Variants in TENT5C observed in about 807,000 individuals in gnomAD.
TENT5C encodes the protein family with sequence similarity 46 member C.
TENT5C carries 5 observed loss-of-function variants against 22.2 expected under a neutral mutation model. The ratio of observed to expected loss-of-function variants is 0.22; its 90% CI spans 0.12 to 0.47. The LOEUF (loss-of-function observed/expected upper bound fraction) is 0.47. Among genes scored for constraint, TENT5C ranks in the 20% least tolerant of loss-of-function variants. The probability of loss-of-function intolerance (pLI) is 0.99; values close to 1 mark genes in which losing one functional copy is unlikely to be tolerated. For missense variants in TENT5C, 364 were observed against 500.9 expected, an observed-to-expected ratio of 0.73 and a Z score of 2.61; for synonymous variants, 199 against 195.4, an observed-to-expected ratio of 1.02 and a Z score of -0.15.
chr1:117,608,424 C>T (rs1006913768), intron 1 of TENT5C, among the ~76,000 whole-genome samples: 5 of 152,166 alleles, frequency 3.3e-5, no homozygotes, highest in African/African-American at 1.2e-4. Context: ...TGCACACATT[C>T]AGCCCACATT....
chr1:117,609,662 A>AT (rs1268578935), intron 1 of TENT5C, among the ~76,000 whole-genome samples: 3 of 152,198 alleles, frequency 2.0e-5, no homozygotes, highest in African/African-American at 7.2e-5. Flanking sequence ...TGGCTTTATC[A>AT]TGCAGTCGAG....
chr1:117,619,432 T>C (rs1570861909), intron 1 of TENT5C, among the ~76,000 whole-genome samples: 1 of 152,356 alleles, frequency 6.6e-6, no homozygotes, highest in East Asian at 1.9e-4. Flanking sequence ...TTCTGGTATT[T>C]CTGATTTGTT....
chr1:117,624,200 A>G lies in TENT5C; in HGVS notation c.*156A>G. 1 of 670,666 alleles carries G rather than the reference A, an allele frequency of 1.5e-6. No individual in the cohort carries two copies. Among genetic ancestry groups the G allele is most frequent in the East Asian group, 2.7e-5 (1 of 36,402 alleles). 41.5% of individuals were successfully genotyped at this position (670,666 alleles called of 1,614,324 possible). Reference sequence around the variant, plus strand: ...TTTTTTCCTTTGTGTACCCATTGGAATGGGTCTACAGTGTATCATGAGCCA... The same window carrying G: ...TTTTTTCCTTTGTGTACCCATTGGAGTGGGTCTACAGTGTATCATGAGCCA... On this transcript the variant is annotated 3_prime_UTR_variant, in exon 2 of 2. Coordinates refer to ENST00000369448, the MANE Select transcript of TENT5C (RefSeq NM_017709.4).
chr1:117,627,651 T>G lies in TENT5C; in HGVS notation c.*3607T>G, dbSNP rs1654039935. ...TAAGAATCCAGTTTCCAAGGTTAGA[T>G]TCACATCCTTAATCTTGCAGAGACT... On this transcript the variant is annotated 3_prime_UTR_variant, in exon 2 of 2. Transcript: ENST00000369448. 4.0e-6 allele frequency: 1 copy of G among 248,146 alleles called. No individual in the cohort carries two copies. Among genetic ancestry groups the G allele is most frequent in the East Asian group, 6.0e-5 (1 of 16,592 alleles). 15.4% of individuals were successfully genotyped at this position (248,146 alleles called of 1,614,324 possible). A position where few individuals can be genotyped will look rare whatever the true frequency, so the allele number is the denominator to read the frequency against.
At chr1:117,619,247 G>A (rs1653846856) in intron 1 of TENT5C, among the ~76,000 whole-genome samples, 1 of 152,176 alleles carries the variant, frequency 6.6e-6, no homozygotes, top group South Asian at 2.1e-4. Flanking sequence ...GAGCCCACAA[G>A]CAGTATACTA....
chr1:117,611,180 C>G (rs1653663885), intron 1 of TENT5C, among the ~76,000 whole-genome samples: 1 of 152,208 alleles, frequency 6.6e-6, no homozygotes, highest in Non-Finnish European at 1.5e-5. Context: ...TGGGCAGTTT[C>G]AATCGTCATT....
intron 1 of TENT5C, among the ~76,000 whole-genome samples, chr1:117,612,007 G>A (rs569932745): frequency 7.9e-5 from 12 of 152,172 alleles, no homozygotes; most frequent in Admixed American, 1.3e-4. Context: ...CATTTACAGC[G>A]GTACCTACTG....
At chr1:117,614,680 C>T (rs1321255778) in intron 1 of TENT5C, among the ~76,000 whole-genome samples, 1 of 152,234 alleles carries the variant, frequency 6.6e-6, no homozygotes, top group East Asian at 1.9e-4. Context: ...TATCAACACT[C>T]TGATCTCCCA....
chr1:117,612,051 A>G (rs1344780003), intron 1 of TENT5C, among the ~76,000 whole-genome samples: 1 of 152,180 alleles, frequency 6.6e-6, no homozygotes, highest in African/African-American at 2.4e-5. Context: ...CATCAGCAAA[A>G]ATGTTTCACT....
In TENT5C at chr1:117,623,567, C is replaced by T. The variant is rs1653945565; in HGVS notation, c.699C>T (p.Thr233=). The change falls in exon 2 of 2, where the codon ACC becomes ACT. Residue 233 remains threonine (T), a synonymous_variant. Transcript: ENST00000369448. ...ATCTGCAGAACAGACTGATCGCCAC[C>T]AAGAACCCAGAAGAAATCAGAGGCG... The part of the protein sequence containing the change: ...FDHLQNRLIA[T]KNPEEIRGGG... 6.2e-7 allele frequency: 1 copy of T among 1,613,998 alleles called. No homozygotes were observed. The highest frequency in any genetic ancestry group is 8.5e-7 in the Non-Finnish European group (1 of 1,180,016).
At position 117,625,399 on chromosome 1, in the gene TENT5C, G is replaced by A. The variant is rs889082791; in HGVS notation, c.*1355G>A. The A allele has an allele frequency of 6.0e-5, 15 of 248,020 alleles. No individual in the cohort carries two copies. Among genetic ancestry groups the A allele is most frequent in the Non-Finnish European group, 1.0e-4 (12 of 118,114 alleles). The allele number at this position is 248,020 out of a possible 1,614,324, so 15.4% of individuals were successfully genotyped here. On this transcript the variant is annotated 3_prime_UTR_variant, in exon 2 of 2. Coordinates refer to ENST00000369448, the MANE Select transcript of TENT5C (RefSeq NM_017709.4). Reference sequence around the variant, plus strand: ...GACTTGTTTATAATTCTGCACTTTAGAAGAAAAACAGTGTTAATCTGTAGT... The same window carrying A: ...GACTTGTTTATAATTCTGCACTTTAAAAGAAAAACAGTGTTAATCTGTAGT...
chr1:117,623,313 A>G lies in TENT5C; in HGVS notation c.445A>G (p.Thr149Ala). The change falls in exon 2 of 2, where the codon ACT becomes GCT. Residue 149 changes from threonine to alanine, a missense_variant. Physicochemically the swap from Thr to Ala is moderately conservative, Grantham distance 58. Around this residue, in one of 3 missense-constraint regions of TENT5C, gnomAD observed 303 missense variants for 394.5 expected, o/e 0.77. Coordinates refer to ENST00000369448, the MANE Select transcript of TENT5C (RefSeq NM_017709.4). ...VQKLVKVCTD[T>A]DRWSLISLSN... The stretch of plus-strand genomic sequence containing the variant: ...GAAGCTAGTGAAGGTTTGCACGGAC[A>G]CTGACCGCTGGAGCCTGATCTCCCT... The G allele has an allele frequency of 6.2e-7, 1 of 1,614,218 alleles. No individual in the cohort carries two copies. The highest frequency in any genetic ancestry group is 8.5e-7 in the Non-Finnish European group (1 of 1,180,044).
intron 1 of TENT5C, among the ~76,000 whole-genome samples, chr1:117,606,748 T>G (rs1653545435): frequency 6.6e-6 from 1 of 152,116 alleles, no homozygotes; most frequent in Admixed American, 6.5e-5. Flanking sequence ...CTTCCTAGGC[T>G]CATTGCCAAG....
intron 1 of TENT5C, among the ~76,000 whole-genome samples, chr1:117,611,095 C>T (rs1653662583): frequency 1.3e-5 from 2 of 152,210 alleles, no homozygotes; most frequent in South Asian, 4.1e-4. Context: ...CACACTCTGT[C>T]CATCGTTGCC....
intron 1 of TENT5C, among the ~76,000 whole-genome samples, chr1:117,607,609 G>A (rs1193732943): frequency 6.6e-6 from 1 of 152,180 alleles, no homozygotes; most frequent in African/African-American, 2.4e-5. Flanking sequence ...GAAAGAGGGT[G>A]ACCGTTGTTG....
intron 1 of TENT5C, among the ~76,000 whole-genome samples, chr1:117,613,404 T>G (rs765298395): frequency 6.6e-6 from 1 of 152,260 alleles, no homozygotes; most frequent in Non-Finnish European, 1.5e-5. Flanking sequence ...TTTGCTGTTT[T>G]GCGGCCACAG....
At chr1:117,622,108 G>T (rs895209243) in intron 1 of TENT5C, among the ~76,000 whole-genome samples, 1 of 152,152 alleles carries the variant, frequency 6.6e-6, no homozygotes, top group Non-Finnish European at 1.5e-5. Context: ...ACTTTTTGTT[G>T]ACTCGAAATT....
intron 1 of TENT5C, among the ~76,000 whole-genome samples, chr1:117,607,006 C>T (rs1198511936): frequency 6.6e-6 from 1 of 152,194 alleles, no homozygotes; most frequent in Admixed American, 6.5e-5. Context: ...GCGGCTGCCC[C>T]GGGAGGTGTC....
In TENT5C at chr1:117,625,606, C is replaced by G. The variant is rs141057000; in HGVS notation, c.*1562C>G. 1.8e-3 allele frequency: 451 copies of G among 248,082 alleles called. 6 individuals are homozygous for G. Among genetic ancestry groups the G allele is most frequent in the East Asian group, 0.018 (297 of 16,572 alleles). 15.4% of individuals were successfully genotyped at this position (248,082 alleles called of 1,614,324 possible). On this transcript the variant is annotated 3_prime_UTR_variant, in exon 2 of 2. Coordinates refer to ENST00000369448, the MANE Select transcript of TENT5C (RefSeq NM_017709.4). ...AAAGTGATTTAATCAAATTCATGCT[C>G]CTGATCTTTTTTTTCCCCCTTCCTT...
Sources: allele counts gnomAD v4.1 joint callset (sites outside exome capture counted in the v4.1 genomes callset), GRCh38; gene constraint gnomAD v4.1.1; regional missense constraint gnomAD v4.1.1; transcripts MANE v1.5; gene names NCBI Gene and HGNC (gene_info 2026-07-23, HGNC 2026-07-21).